Variants in GRM5 observed in about 807,000 individuals in gnomAD.
GRM5 encodes glutamate metabotropic receptor 5.
A neutral mutation model predicts 83.1 loss-of-function variants in GRM5; 19 were observed. That is an observed-to-expected ratio of 0.23 (90% confidence interval 0.16 to 0.34). The LOEUF (loss-of-function observed/expected upper bound fraction) is 0.34, where lower values mean the gene tolerates loss of function less well. GRM5 is among the 10% of genes least tolerant of loss of function. GRM5 has a pLI of 1.00. For synonymous variants in GRM5, 675 were observed against 633.6 expected, an observed-to-expected ratio of 1.07 and a Z score of -0.98; for missense variants, 1,160 against 1,588.3, an observed-to-expected ratio of 0.73 and a Z score of 4.58.
intron 4 of GRM5, among the ~76,000 whole-genome samples, chr11:88,615,646 A>G (rs1504094): frequency 0.57 from 77,776 of 137,582 alleles, 23,816 homozygotes; most frequent in South Asian, 0.79. Context: ...TAGATTAAGA[A>G]ACTAAAAAAA....
chr11:88,790,108 C>T (rs1475012279), intron 3 of GRM5, among the ~76,000 whole-genome samples: 1 of 152,176 alleles, frequency 6.6e-6, no homozygotes, highest in Non-Finnish European at 1.5e-5. Context: ...AGATGATCCA[C>T]CCTCCTCAGC....
At chr11:89,054,241 A>C (rs1941823608) in intron 1 of GRM5, among the ~76,000 whole-genome samples, 2 of 152,140 alleles carry the variant, frequency 1.3e-5, no homozygotes, top group South Asian at 4.1e-4. Context: ...ATATATTTTG[A>C]AGGTAGAGTG....
intron 4 of GRM5, among the ~76,000 whole-genome samples, chr11:88,621,782 A>G (rs962704058): frequency 6.6e-6 from 1 of 152,184 alleles, no homozygotes; most frequent in Non-Finnish European, 1.5e-5. Context: ...TGAAGATTCC[A>G]TCTCTTATAA....
intron 2 of GRM5, among the ~76,000 whole-genome samples, chr11:88,874,515 T>A (rs1177058067): frequency 6.6e-6 from 1 of 151,832 alleles, no homozygotes; most frequent in Admixed American, 6.6e-5. Flanking sequence ...AAATGCTTTA[T>A]GACGTGGATC....
chr11:88,976,558 AT>A (rs1395632603), intron 2 of GRM5, among the ~76,000 whole-genome samples: 8 of 148,066 alleles, frequency 5.4e-5, no homozygotes, highest in African/African-American at 1.8e-4. Flanking sequence ...AAAAAAAAAA[AT>A]GAATTAATAA....
chr11:88,930,864 A>G (rs1237470446), intron 2 of GRM5, among the ~76,000 whole-genome samples: 3 of 152,096 alleles, frequency 2.0e-5, no homozygotes, highest in Middle Eastern at 3.4e-3. Context: ...CATATTGCCA[A>G]CTCCTTAATG....
At chr11:88,854,789 AAATT>A (rs1944444482) in intron 2 of GRM5, among the ~76,000 whole-genome samples, 2 of 151,938 alleles carry the variant, frequency 1.3e-5, no homozygotes, top group African/African-American at 4.8e-5. Flanking sequence ...AAATAAAATT[AAATT>A]AAATTAAATT....
intron 7 of GRM5, among the ~76,000 whole-genome samples, chr11:88,579,676 G>A (rs1429109744): frequency 6.6e-6 from 1 of 152,126 alleles, no homozygotes; most frequent in South Asian, 2.1e-4. Context: ...TGTATTGGGA[G>A]GAAGAACCAG....
At chr11:88,660,732 G>A (rs72639195) in intron 3 of GRM5, among the ~76,000 whole-genome samples, 1 of 152,132 alleles carries the variant, frequency 6.6e-6, no homozygotes, top group Non-Finnish European at 1.5e-5. Context: ...ACATCCTGTT[G>A]ATCGGAGACA....
chr11:88,638,710 T>C (rs80230933), intron 4 of GRM5, among the ~76,000 whole-genome samples: 16 of 152,262 alleles, frequency 1.1e-4, no homozygotes, highest in African/African-American at 3.8e-4. Flanking sequence ...TGAACATTGG[T>C]AGAATGTTAA....
intron 3 of GRM5, among the ~76,000 whole-genome samples, chr11:88,844,357 TACACAC>T (rs3031469): frequency 0.12 from 17,460 of 146,130 alleles, 1,889 homozygotes; most frequent in African/African-American, 0.27. Flanking sequence ...TCAGAATTAC[TACACAC>T]ACACACACAC....
At chr11:89,053,409 C>T (rs894839745) in intron 1 of GRM5, among the ~76,000 whole-genome samples, 2 of 152,100 alleles carry the variant, frequency 1.3e-5, no homozygotes, top group Non-Finnish European at 2.9e-5. Context: ...AATAGAAAGT[C>T]ATCTTACGTG....
At chr11:88,976,081 AT>A in intron 2 of GRM5, among the ~76,000 whole-genome samples, 1 of 152,278 alleles carries the variant, frequency 6.6e-6, no homozygotes, top group Non-Finnish European at 1.5e-5. Context: ...CACCTATTTG[AT>A]TAGTTAATTT....
chr11:88,932,827 T>C (rs1937758449), intron 2 of GRM5, among the ~76,000 whole-genome samples: 2 of 151,958 alleles, frequency 1.3e-5, no homozygotes, highest in Admixed American at 1.3e-4. Flanking sequence ...TTCAGTTCCC[T>C]GTTGATTCAT....
In GRM5 at chr11:88,567,539, T is replaced by C. The variant is rs753972234; in HGVS notation, c.2144A>G (p.Glu715Gly). The change falls in exon 8 of 10, where the codon GAG becomes GGG. Residue 715 changes from glutamate to glycine, a missense_variant. By Grantham distance (98) the Glu-to-Gly change is moderately conservative. This residue lies in a region of GRM5 where 44 missense variants were observed against 41.0 expected (regional missense o/e 1.07). Transcript: ENST00000305447. The surrounding 1 kb of genome is among the most constrained non-coding windows in gnomAD (Gnocchi z 7.3). The part of the protein sequence containing the change: ...LGIIVALFIM[E>G]PPDIMHDYPS... ...GTAGTCATGCATTATGTCAGGAGGC[T>C]CCATTATAAAGAGGGCAACGATGAT... 1 of 1,613,858 alleles carries C rather than the reference T, an allele frequency of 6.2e-7. No individual in the cohort carries two copies. Among genetic ancestry groups the C allele is most frequent in the Non-Finnish European group, 8.5e-7 (1 of 1,179,806 alleles).
Position 88,567,593 on chromosome 11 carries a change from G to A in GRM5, c.2090C>T (p.Ala697Val). Residue 697 changes from alanine (A) to valine (V), a missense_variant, in exon 8 of 10, where the codon GCT (alanine) becomes GTT (valine). Physicochemically the swap from Ala to Val is moderately conservative, Grantham distance 64. Around this residue, in one of 9 missense-constraint regions of GRM5, gnomAD observed 132 missense variants for 245.5 expected, o/e 0.54. Coordinates refer to ENST00000305447, the MANE Select transcript of GRM5 (RefSeq NM_001143831.3). This position sits in a 1 kb window ranked among gnomAD's most constrained non-coding sequence, Gnocchi z 7.3. ...FMSACAQLVI[A>V]FILICIQLGI... ...CAACTGGATGCATATGAGAATGAAA[G>A]CAATCACTAGCTGGGCACAGGCACT... The A allele has an allele frequency of 5.6e-6, 9 of 1,614,124 alleles. No individual in the cohort carries two copies. The highest frequency in any genetic ancestry group is 7.6e-6 in the Non-Finnish European group (9 of 1,179,978).
At chr11:89,009,004 A>T (rs1399373074) in intron 2 of GRM5, 1 of 675,380 alleles carries the variant, frequency 1.5e-6, no homozygotes, top group Admixed American at 2.3e-5. Flanking sequence ...TTAGGAGCCT[A>T]ATTTACCTTT....
intron 3 of GRM5, among the ~76,000 whole-genome samples, chr11:88,758,587 A>AT (rs1942445611): frequency 1.3e-5 from 2 of 152,216 alleles, no homozygotes; most frequent in African/African-American, 4.8e-5. Context: ...AAAATATGAG[A>AT]TTATGTAAAG....
intron 2 of GRM5, among the ~76,000 whole-genome samples, chr11:88,972,843 G>A (rs1200466194): frequency 6.6e-6 from 1 of 152,108 alleles, no homozygotes; most frequent in African/African-American, 2.4e-5. Context: ...CATCAATAAT[G>A]AAACAAAATC....
Sources: allele counts gnomAD v4.1 joint callset (sites outside exome capture counted in the v4.1 genomes callset), GRCh38; gene constraint gnomAD v4.1.1; regional missense constraint gnomAD v4.1.1; non-coding constraint Gnocchi (gnomAD v3.1); transcripts MANE v1.5; gene names NCBI Gene and HGNC (gene_info 2026-07-23, HGNC 2026-07-21).